Variants in ANGPT1 observed in about 807,000 individuals in gnomAD.
ANGPT1 encodes the protein angiopoietin 1.
Under a neutral mutation model 62.2 loss-of-function variants are expected in ANGPT1, and 17 were observed. That is an observed-to-expected ratio of 0.27 (90% CI 0.19 to 0.41). ANGPT1 has a LOEUF of 0.41. Among genes scored for constraint, ANGPT1 ranks in the 10% least tolerant of loss-of-function variants. The pLI is 1.00. For missense variants in ANGPT1, 478 were observed against 594.9 expected (o/e 0.80, Z 2.04); for synonymous variants, 199 against 198.9 (o/e 1.00, Z 0.00).
intron 1 of ANGPT1, among the ~76,000 whole-genome samples, chr8:107,355,984 G>T (rs1200060886): frequency 1.3e-5 from 2 of 152,096 alleles, no homozygotes; most frequent in East Asian, 3.9e-4. Flanking sequence ...ATACCATTTT[G>T]ATAAATAATT....
intron 7 of ANGPT1, among the ~76,000 whole-genome samples, chr8:107,267,582 C>T (rs542652520): frequency 6.6e-6 from 1 of 152,164 alleles, no homozygotes; most frequent in South Asian, 2.1e-4. Context: ...AACTAGTCTC[C>T]CTGCCTTGAG....
At chr8:107,371,386 C>T (rs1160353155) in intron 1 of ANGPT1, among the ~76,000 whole-genome samples, 5 of 152,102 alleles carry the variant, frequency 3.3e-5, no homozygotes, top group African/African-American at 1.2e-4. Context: ...CTCCCCAGTC[C>T]TCAGCTATTT....
chr8:107,321,007 C>T (rs1815137427), intron 4 of ANGPT1, among the ~76,000 whole-genome samples: 1 of 152,098 alleles, frequency 6.6e-6, no homozygotes. Flanking sequence ...CTCTTTCACT[C>T]ATCACCATTT....
intron 7 of ANGPT1, among the ~76,000 whole-genome samples, chr8:107,270,566 C>T (rs1046019165): frequency 4.6e-5 from 7 of 151,996 alleles, no homozygotes; most frequent in African/African-American, 1.7e-4. Flanking sequence ...AATCCTACCC[C>T]CTTTCCACTG....
intron 1 of ANGPT1, among the ~76,000 whole-genome samples, chr8:107,405,587 A>G (rs1340154047): frequency 6.6e-6 from 1 of 152,032 alleles, no homozygotes; most frequent in Non-Finnish European, 1.5e-5. Context: ...TATAAAACAT[A>G]AATGGATTTT....
intron 7 of ANGPT1, among the ~76,000 whole-genome samples, chr8:107,269,704 C>G (rs1040506192): frequency 6.6e-6 from 1 of 151,806 alleles, no homozygotes; most frequent in Admixed American, 6.6e-5. Context: ...CATAAGGAAG[C>G]TGTGAAAAAC....
chr8:107,419,538 G>C (rs1810843240), intron 1 of ANGPT1, among the ~76,000 whole-genome samples: 1 of 152,044 alleles, frequency 6.6e-6, no homozygotes, highest in African/African-American at 2.4e-5. Context: ...GTGCTTACTT[G>C]TTTCTTTGGG....
intron 1 of ANGPT1, among the ~76,000 whole-genome samples, chr8:107,490,536 C>T (rs940961897): frequency 6.6e-5 from 10 of 152,176 alleles, no homozygotes; most frequent in Admixed American, 6.5e-4. Flanking sequence ...GGCTCTCTGC[C>T]AACTGGCATG....
intron 7 of ANGPT1, among the ~76,000 whole-genome samples, chr8:107,270,641 C>T (rs1813713749): frequency 1.3e-5 from 2 of 152,014 alleles, no homozygotes; most frequent in Non-Finnish European, 2.9e-5. Context: ...GACTTTTTCA[C>T]ATCCTGGAGA....
chr8:107,261,514 G>T (rs1481863319), intron 8 of ANGPT1, among the ~76,000 whole-genome samples: 1 of 151,708 alleles, frequency 6.6e-6, no homozygotes, highest in Non-Finnish European at 1.5e-5. Context: ...GACCATCCTG[G>T]CTAACACAGT....
At chr8:107,361,933 C>T (rs573293135) in intron 1 of ANGPT1, among the ~76,000 whole-genome samples, 5 of 152,052 alleles carry the variant, frequency 3.3e-5, no homozygotes, top group Non-Finnish European at 7.4e-5. Flanking sequence ...GTGGCAGACG[C>T]CTGTAATCAC....
At chr8:107,280,198 C>A (rs60165359) in intron 7 of ANGPT1, among the ~76,000 whole-genome samples, 1 of 151,408 alleles carries the variant, frequency 6.6e-6, no homozygotes, top group Non-Finnish European at 1.5e-5. Context: ...TACTTTCTTT[C>A]TTTTTTTATT....
chr8:107,324,978 A>C (rs1254102989), intron 3 of ANGPT1, among the ~76,000 whole-genome samples: 2 of 152,200 alleles, frequency 1.3e-5, no homozygotes, highest in Non-Finnish European at 2.9e-5. Context: ...ATGATCACTT[A>C]TTTTTTAAAA....
At chr8:107,267,588 T>C (rs1563541791) in intron 7 of ANGPT1, among the ~76,000 whole-genome samples, 1 of 152,112 alleles carries the variant, frequency 6.6e-6, no homozygotes, top group Non-Finnish European at 1.5e-5. Context: ...TCTCCCTGCC[T>C]TGAGTTTCAC....
chr8:107,371,756 A>T (rs1816420388), intron 1 of ANGPT1, among the ~76,000 whole-genome samples: 1 of 151,762 alleles, frequency 6.6e-6, no homozygotes, highest in African/African-American at 2.4e-5. Flanking sequence ...GGGCATTCTT[A>T]TGCTGTCTTC....
chr8:107,401,759 A>G (rs968321068), intron 1 of ANGPT1, among the ~76,000 whole-genome samples: 1 of 152,164 alleles, frequency 6.6e-6, no homozygotes, highest in African/African-American at 2.4e-5. Context: ...CAACAAACAT[A>G]TATGTTTATA....
At chr8:107,489,183 A>G (rs932686617) in intron 1 of ANGPT1, among the ~76,000 whole-genome samples, 2 of 152,310 alleles carry the variant, frequency 1.3e-5, no homozygotes, top group African/African-American at 4.8e-5. Flanking sequence ...ATCTGATGCC[A>G]GTGAGTTTGG....
intron 1 of ANGPT1, among the ~76,000 whole-genome samples, chr8:107,354,370 G>T (rs1356706898): frequency 6.6e-6 from 1 of 151,914 alleles, no homozygotes; most frequent in Non-Finnish European, 1.5e-5. Context: ...TTTAATCCAG[G>T]TACTATCATT....
intron 4 of ANGPT1, among the ~76,000 whole-genome samples, chr8:107,318,885 G>A (rs1455153873): frequency 6.6e-6 from 1 of 152,056 alleles, no homozygotes; most frequent in Non-Finnish European, 1.5e-5. Context: ...ATTGACAAAA[G>A]TTGTATATAT....
Sources: allele counts gnomAD v4.1 joint callset (sites outside exome capture counted in the v4.1 genomes callset), GRCh38; gene constraint gnomAD v4.1.1; transcripts MANE v1.5; gene names NCBI Gene and HGNC (gene_info 2026-07-23, HGNC 2026-07-21).